Variants in ASPH observed in about 807,000 individuals in gnomAD.
ASPH encodes the protein aspartate beta-hydroxylase.
ASPH carries 100 observed loss-of-function variants against 118.4 expected under a neutral mutation model. The ratio of observed to expected loss-of-function variants is 0.84; its 90% CI spans 0.72 to 1.00. The LOEUF (loss-of-function observed/expected upper bound fraction) is 1.00. Ranked by LOEUF, ASPH falls within the 50% of genes least tolerant of loss-of-function variation. The probability of loss-of-function intolerance (pLI) is 0.00; values close to 1 mark genes in which losing one functional copy is unlikely to be tolerated. For missense variants in ASPH, 920 were observed against 919.5 expected (o/e 1.00, Z -0.01); for synonymous variants, 315 against 325.6 (o/e 0.97, Z 0.35).
intron 1 of ASPH, among the ~76,000 whole-genome samples, chr8:61,696,873 C>CA (rs1834025780): frequency 6.6e-6 from 1 of 151,984 alleles, no homozygotes; most frequent in Non-Finnish European, 1.5e-5. Flanking sequence ...AACTAAGAAA[C>CA]AAAAAAGCTT....
chr8:61,673,653 G>T (rs1823751507), intron 3 of ASPH, among the ~76,000 whole-genome samples: 1 of 152,136 alleles, frequency 6.6e-6, no homozygotes, highest in African/African-American at 2.4e-5. Context: ...GGTAGGAAAA[G>T]ACTTATATTA....
intron 24 of ASPH, among the ~76,000 whole-genome samples, chr8:61,514,105 T>G (rs1809948461): frequency 6.6e-6 from 1 of 152,098 alleles, no homozygotes; most frequent in Non-Finnish European, 1.5e-5. Context: ...TCCTCCTGCC[T>G]CAGCCACTGG....
intron 1 of ASPH, among the ~76,000 whole-genome samples, chr8:61,698,378 A>G (rs1238981483): frequency 6.6e-6 from 1 of 152,236 alleles, no homozygotes; most frequent in African/African-American, 2.4e-5. Flanking sequence ...GATTTACTAC[A>G]TATGGAAAAG....
At chr8:61,654,910 G>A (rs902687796) in intron 3 of ASPH, among the ~76,000 whole-genome samples, 18 of 152,114 alleles carry the variant, frequency 1.2e-4, no homozygotes, top group African/African-American at 3.9e-4. Flanking sequence ...GGGAGGAGGG[G>A]GTAGAGATGA....
chr8:61,558,053 A>G (rs954605878), intron 18 of ASPH, among the ~76,000 whole-genome samples: 1 of 152,264 alleles, frequency 6.6e-6, no homozygotes, highest in African/African-American at 2.4e-5. Context: ...CCCTGGGCAT[A>G]GAAAGATAAA....
chr8:61,681,582 T>A (rs1828091360), intron 2 of ASPH, among the ~76,000 whole-genome samples: 1 of 151,792 alleles, frequency 6.6e-6, no homozygotes, highest in South Asian at 2.1e-4. Flanking sequence ...AACAGAAATA[T>A]CATGAATTAA....
chr8:61,664,411 G>T (rs1818448763), intron 3 of ASPH: 1 of 976,124 alleles, frequency 1.0e-6, no homozygotes, highest in South Asian at 4.7e-5. Flanking sequence ...GACTATAAAG[G>T]TATCATAAAT....
chr8:61,583,858 T>C (rs1487969410), intron 15 of ASPH, 86 bp downstream of exon 15: 14 of 942,552 alleles, frequency 1.5e-5, no homozygotes, highest in Middle Eastern at 2.3e-4. Flanking sequence ...CTTTTACACT[T>C]ACTATTTTTT....
intron 6 of ASPH, among the ~76,000 whole-genome samples, chr8:61,646,521 A>C (rs559615773): frequency 3.3e-5 from 5 of 152,184 alleles, no homozygotes; most frequent in Non-Finnish European, 7.3e-5. Flanking sequence ...TATTTGACTC[A>C]CTATTTATAA....
chr8:61,518,058 C>T lies in ASPH; in HGVS notation c.1966G>A (p.Glu656Lys), dbSNP rs781021623. 12 of 1,613,838 alleles carry T rather than the reference C, an allele frequency of 7.4e-6. No homozygotes were observed. Among genetic ancestry groups the T allele is most frequent in the Admixed American group, 5.0e-5 (3 of 60,006 alleles). Residue 656 changes from glutamate (E) to lysine (K), a missense_variant, in exon 23 of 25, where the codon GAG becomes AAG. Glu to Lys is a moderately conservative substitution (Grantham distance 56). Transcript: ENST00000379454. The part of the protein sequence containing the change: ...KTCTLLEKFP[E>K]TTGCRRGQIK... ...TGTCCTCTTCTGCATCCTGTTGTCT[C>T]GGGGAACTTTTCTAGTAAGGTACAG...
intron 21 of ASPH, among the ~76,000 whole-genome samples, chr8:61,535,193 T>C (rs529292794): frequency 2.0e-5 from 3 of 152,320 alleles, no homozygotes; most frequent in South Asian, 4.1e-4. Flanking sequence ...AGAGTAGGAA[T>C]TGTGGGAAGC....
chr8:61,639,581 C>T (rs1804100555), intron 10 of ASPH, among the ~76,000 whole-genome samples: 1 of 152,158 alleles, frequency 6.6e-6, no homozygotes, highest in Non-Finnish European at 1.5e-5. Context: ...TGCTGGCTTT[C>T]TTCAAAGTCC....
chr8:61,714,146 G>A (rs1838781230), intron 1 of ASPH, 123 bp downstream of exon 1: 1 of 1,258,368 alleles, frequency 7.9e-7, no homozygotes, highest in Non-Finnish European at 1.0e-6. Context: ...AAGGAGGAGC[G>A]TCGCGGGGGA....
At chr8:61,651,950 T>C (rs940756477) in intron 4 of ASPH, among the ~76,000 whole-genome samples, 1 of 152,200 alleles carries the variant, frequency 6.6e-6, no homozygotes, top group African/African-American at 2.4e-5. Context: ...TGTGAGATAA[T>C]GCCAGTGACA....
intron 1 of ASPH, among the ~76,000 whole-genome samples, chr8:61,691,389 G>A (rs113150265): frequency 4.5e-4 from 68 of 152,276 alleles, no homozygotes; most frequent in South Asian, 8.3e-4. Flanking sequence ...CTGGCCAAGC[G>A]TCCTTTCCCC....
intron 3 of ASPH, among the ~76,000 whole-genome samples, chr8:61,666,611 C>G (rs1025000068): frequency 2.6e-5 from 4 of 152,288 alleles, no homozygotes; most frequent in Non-Finnish European, 5.9e-5. Flanking sequence ...ATTTGCAGTG[C>G]TCACTAAAAG....
intron 3 of ASPH, chr8:61,665,574 C>T (rs557503164): frequency 1.3e-6 from 2 of 1,590,290 alleles, no homozygotes; most frequent in Admixed American, 3.6e-5. Flanking sequence ...TTCTCTTTCT[C>T]CTTCTTGAGC....
At chr8:61,584,215 G>C (rs1282880412) in intron 14 of ASPH, among the ~76,000 whole-genome samples, 186 bp from the exon 15 acceptor site, 1 of 152,136 alleles carries the variant, frequency 6.6e-6, no homozygotes, top group African/African-American at 2.4e-5. Context: ...TGACTGCCAA[G>C]GAAGGCAATG....
intron 22 of ASPH, among the ~76,000 whole-genome samples, chr8:61,522,192 T>C (rs1813343233): frequency 6.6e-6 from 1 of 152,244 alleles, no homozygotes; most frequent in African/African-American, 2.4e-5. Context: ...TTCTGGTTTT[T>C]TCCTTCAACT....
Sources: gnomAD v4.1 joint callset for allele counts (sites outside exome capture counted in the v4.1 genomes callset) on GRCh38, gnomAD v4.1.1 for gene constraint, MANE v1.5 for transcripts, NCBI Gene and HGNC (gene_info 2026-07-23, HGNC 2026-07-21) for gene names.